The following ZFP14 variants were observed in gnomAD, a reference collection of about 807,000 sequenced individuals.
The protein encoded by ZFP14 is ZFP14 zinc finger protein.
Under a neutral mutation model 54.5 loss-of-function variants are expected in ZFP14, and 22 were observed. The observed-to-expected ratio is 0.40, with a 90% CI of 0.29 to 0.58. ZFP14 has a LOEUF of 0.58. ZFP14 is among the 20% of genes least tolerant of loss of function. The probability of loss-of-function intolerance (pLI) is 0.39; values close to 1 mark genes in which losing one functional copy is unlikely to be tolerated. For synonymous variants in ZFP14, 159 were observed against 204.0 expected, an observed-to-expected ratio of 0.78 and a Z score of 1.88; for missense variants, 470 against 637.8, an observed-to-expected ratio of 0.74 and a Z score of 2.83.
intron 1 of ZFP14, among the ~76,000 whole-genome samples, chr19:36,374,905 A>C (rs1197634907): frequency 1.3e-5 from 2 of 152,172 alleles, no homozygotes; most frequent in East Asian, 3.9e-4. Context: ...TGAGAAAAAA[A>C]GCTAAGGATA....
chr19:36,360,399 T>G (rs368644973), intron 4 of ZFP14, 36 bp downstream of exon 4: 7 of 1,582,348 alleles, frequency 4.4e-6, no homozygotes, highest in Non-Finnish European at 5.2e-6. Flanking sequence ...TTACCTGCAG[T>G]AGTGATTTCT....
In ZFP14 at chr19:36,369,007, T is replaced by A. The variant is rs78862276; in HGVS notation, c.-79-1036A>T. ...TGCCACCACGCCCAGCTAATTTTTA[T>A]ATTTTTATATTTTTAGTAGAGACGG... On this transcript the variant is annotated intron_variant, in intron 1 of 4. Coordinates refer to ENST00000270001, the MANE Select transcript of ZFP14 (RefSeq NM_020917.3). Among the ~76,000 whole-genome samples, 435 of 152,188 alleles carry A rather than the reference T, an allele frequency of 2.9e-3. 1 individual carries two copies. The highest frequency in any genetic ancestry group is 3.7e-3 in the Non-Finnish European group (252 of 68,010).
In ZFP14 at chr19:36,359,100, T is replaced by C. The variant is rs74578993; in HGVS notation, c.235+1335A>G. Among the ~76,000 whole-genome samples the C allele has an allele frequency of 4.5e-3, 685 of 152,240 alleles. 26 individuals carry two copies. Among genetic ancestry groups the C allele is most frequent in the Admixed American group, 0.038 (578 of 15,278 alleles). Reference sequence around the variant, plus strand: ...AACCTCCAAAACGGTAAGAAATAAATTCCTTTTCCTTGTAAATTACTGAAT... The same window carrying C: ...AACCTCCAAAACGGTAAGAAATAAACTCCTTTTCCTTGTAAATTACTGAAT... On this transcript the variant is annotated intron_variant, in intron 4 of 4. Transcript: ENST00000270001.
rs747286434 is a variant in ZFP14, at chr19:36,338,658, C to T, written c.*1566G>A. 1 of 152,104 alleles carries T rather than the reference C, an allele frequency of 6.6e-6. No homozygotes were observed. The highest frequency in any genetic ancestry group is 2.4e-5 in the African/African-American group (1 of 41,416). 9.4% of individuals were successfully genotyped at this position (152,104 alleles called of 1,614,324 possible). A position where few individuals can be genotyped will look rare whatever the true frequency, so the allele number is the denominator to read the frequency against. The stretch of plus-strand genomic sequence containing the variant: ...GTCTCAAAAAAATTATACATTGGTG[C>T]TCTAGCATCTTTCATAGGTTACCAA... On this transcript the variant is annotated 3_prime_UTR_variant, in exon 5 of 5. Transcript: ENST00000270001.
rs1432085773 is a variant in ZFP14, at chr19:36,377,177, G to A, written c.-80+1986C>T. Among the ~76,000 whole-genome samples the A allele has an allele frequency of 3.9e-5, 6 of 152,088 alleles. No homozygotes were observed. The East Asian group carries it at 9.6e-4, about 24-fold the overall frequency. ...GCCAATCAAACCACCTCCTTTCCCTGCTTTTGAACTCAGGGCGGTGGGGAT... is the reference window on the plus strand; with the variant it reads ...GCCAATCAAACCACCTCCTTTCCCTACTTTTGAACTCAGGGCGGTGGGGAT... On this transcript the variant is annotated intron_variant, in intron 1 of 4. Transcript: ENST00000270001.
intron 4 of ZFP14, among the ~76,000 whole-genome samples, chr19:36,349,231 C>CAAAAAAAAAAA (rs1308523351): frequency 9.4e-4 from 4 of 4,258 alleles, no homozygotes; most frequent in South Asian, 0.013. Flanking sequence ...AACTCTGTCT[C>CAAAAAAAAAAA]AAAAAAAAAA....
At chr19:36,377,570 A>T (rs982220389) in intron 1 of ZFP14, among the ~76,000 whole-genome samples, 2 of 151,036 alleles carry the variant, frequency 1.3e-5, no homozygotes, top group African/African-American at 4.9e-5. Flanking sequence ...AAACTTAAGT[A>T]ACAAAATAAA....
At chr19:36,368,045 A>T in intron 1 of ZFP14, 74 bp from the exon 2 acceptor site, 1 of 865,860 alleles carries the variant, frequency 1.2e-6, no homozygotes, top group Non-Finnish European at 1.7e-6. Context: ...CATAAATATG[A>T]AAACTTTTTT....
In ZFP14 at chr19:36,337,837, T is replaced by C. The variant is rs966272766; in HGVS notation, c.*2387A>G. 3.3e-5 allele frequency: 5 copies of C among 152,160 alleles called. No homozygotes were observed. The highest frequency in any genetic ancestry group is 3.3e-4 in the Admixed American group (5 of 15,256). 9.4% of individuals were successfully genotyped at this position (152,160 alleles called of 1,614,324 possible). A position where few individuals can be genotyped will look rare whatever the true frequency, so the allele number is the denominator to read the frequency against. ...GGTGGCCAGTTTGATAGATCCACCA[T>C]AAAAATCTCGCTATAAAATATTTCA... On this transcript the variant is annotated 3_prime_UTR_variant, in exon 5 of 5. Coordinates refer to ENST00000270001, the MANE Select transcript of ZFP14 (RefSeq NM_020917.3).
chr19:36,373,961 GAAAGAAAAAAGA>G (rs1304019432), intron 1 of ZFP14, among the ~76,000 whole-genome samples: 2 of 149,344 alleles, frequency 1.3e-5, no homozygotes, highest in East Asian at 3.9e-4. Flanking sequence ...AGAAAAAAAT[GAAAGAAAAAAGA>G]AAAGAAAAAA....
intron 1 of ZFP14, among the ~76,000 whole-genome samples, chr19:36,369,264 G>A (rs1418024568): frequency 6.6e-6 from 1 of 152,162 alleles, no homozygotes; most frequent in Non-Finnish European, 1.5e-5. Flanking sequence ...AGTTGTCCTC[G>A]GTACTGTTCT....
chr19:36,345,887 A>G (rs1034974089), intron 4 of ZFP14, among the ~76,000 whole-genome samples: 1 of 152,210 alleles, frequency 6.6e-6, no homozygotes, highest in African/African-American at 2.4e-5. Flanking sequence ...AGTATCCCAC[A>G]CAAAAGTTAG....
intron 4 of ZFP14, among the ~76,000 whole-genome samples, chr19:36,357,289 C>T (rs762962729): frequency 2.6e-5 from 4 of 152,174 alleles, no homozygotes; most frequent in Admixed American, 1.3e-4. Flanking sequence ...GCGATCTGCC[C>T]GCCTTGGCCT....
intron 2 of ZFP14, among the ~76,000 whole-genome samples, chr19:36,365,657 T>TAAA (rs397698582): frequency 1.3e-5 from 2 of 150,986 alleles, no homozygotes; most frequent in African/African-American, 2.4e-5. Flanking sequence ...TTTTGTTTTT[T>TAAA]AAAAAAAAGC....
In ZFP14 at chr19:36,340,654, G is replaced by A. The variant is rs753377206; in HGVS notation, c.1172C>T (p.Thr391Ile). Residue 391 changes from threonine (T) to isoleucine (I), a missense_variant, in exon 5 of 5, where the codon ACT becomes ATT. Coordinates refer to ENST00000270001, the MANE Select transcript of ZFP14 (RefSeq NM_020917.3). The surrounding 1 kb of genome is among the most constrained non-coding windows in gnomAD (Gnocchi z 5.4). The stretch of plus-strand genomic sequence containing the variant: ...CATACATTCATAGGGTTTCTCACGA[G>A]TATGTATTCTCTGATGGCGAACTAG... ...QQLVRHQRIH[T>I]REKPYECMEC... is the part of the protein sequence containing the mutation. 2 of 1,614,026 alleles carry A rather than the reference G, an allele frequency of 1.2e-6. No individual in the cohort carries two copies. The highest frequency in any genetic ancestry group is 1.7e-5 in the Admixed American group (1 of 60,024).
intron 1 of ZFP14, among the ~76,000 whole-genome samples, chr19:36,368,516 A>C (rs1228711773): frequency 1.3e-5 from 2 of 152,144 alleles, no homozygotes; most frequent in Non-Finnish European, 2.9e-5. Flanking sequence ...TTGGTGTAGA[A>C]GCCTAGCTAC....
At chr19:36,363,305 T>C (rs991857910) in intron 2 of ZFP14, among the ~76,000 whole-genome samples, 3 of 149,154 alleles carry the variant, frequency 2.0e-5, no homozygotes, top group Non-Finnish European at 3.0e-5. Context: ...GCCATTCTCC[T>C]GCCTCAGCCT....
At chr19:36,375,216 A>G (rs1250688831) in intron 1 of ZFP14, among the ~76,000 whole-genome samples, 2 of 152,140 alleles carry the variant, frequency 1.3e-5, no homozygotes, top group Non-Finnish European at 2.9e-5. Context: ...CTTTGCATAT[A>G]ACATCATTAA....
chr19:36,362,071 CA>C, intron 3 of ZFP14, 40 bp downstream of exon 3: 1 of 1,552,070 alleles, frequency 6.4e-7, no homozygotes, highest in Middle Eastern at 1.7e-4. Flanking sequence ...CTGAAATTGA[CA>C]GCAGAGAAAG....
Sources: gnomAD v4.1 joint callset for allele counts (sites outside exome capture counted in the v4.1 genomes callset) on GRCh38, gnomAD v4.1.1 for gene constraint, Gnocchi (gnomAD v3.1) non-coding constraint, MANE v1.5 for transcripts, NCBI Gene and HGNC (gene_info 2026-07-23, HGNC 2026-07-21) for gene names.